Variants in EFCAB8 observed in about 807,000 individuals in gnomAD.
EFCAB8 encodes EF-hand calcium-binding domain-containing protein 8.
In EFCAB8, 100 loss-of-function variants were observed where a neutral mutation model predicts 116.3. The ratio of observed to expected loss-of-function variants is 0.86; its 90% CI spans 0.73 to 1.02. The LOEUF is 1.02. Among genes scored for constraint, EFCAB8 ranks in the 50% least tolerant of loss-of-function variants. The pLI, the probability that EFCAB8 is intolerant of heterozygous loss-of-function variation, is 0.00. For missense variants in EFCAB8, 1,320 were observed against 1,416.9 expected (o/e 0.93, Z 1.10); for synonymous variants, 558 against 567.9 (o/e 0.98, Z 0.25).
chr20:32,921,749 A>G lies in EFCAB8; in HGVS notation c.2412+1534A>G, dbSNP rs140379475. ...TAAAATGATAGCTATGTCCTGCCATATGCTTTTTTCTGTAAGTCTATAGCA... is the reference window on the plus strand; with the variant it reads ...TAAAATGATAGCTATGTCCTGCCATGTGCTTTTTTCTGTAAGTCTATAGCA... On this transcript the variant is annotated intron_variant, in intron 20 of 26. Transcript: ENST00000400522. Among the ~76,000 whole-genome samples the G allele has an allele frequency of 9.4e-5, 14 of 148,570 alleles. No homozygotes were observed. In the East Asian group the frequency reaches 2.0e-3, roughly 21 times the overall value.
intron 19 of EFCAB8, 37 bp from the exon 20 acceptor site, chr20:32,920,041 C>A (rs892038163): frequency 6.4e-7 from 1 of 1,551,654 alleles, no homozygotes; most frequent in South Asian, 1.2e-5. Flanking sequence ...AAGGGAAACA[C>A]CCTCATGGTG....
intron 22 of EFCAB8, among the ~76,000 whole-genome samples, chr20:32,939,760 C>T (rs1988329816): frequency 7.1e-6 from 1 of 141,284 alleles, no homozygotes; most frequent in East Asian, 2.1e-4. Flanking sequence ...AGTGGCGCCA[C>T]CTCGGTTCAC....
At chr20:32,878,159 A>C (rs544130727) in intron 4 of EFCAB8, among the ~76,000 whole-genome samples, 1 of 152,220 alleles carries the variant, frequency 6.6e-6, no homozygotes, top group East Asian at 1.9e-4. Context: ...CCAGCTACTC[A>C]GGAGGCTGAG....
rs971695247 is a variant in EFCAB8 at position 32,873,408 on chromosome 20, T to TA, written c.209-2509dup. 5.2e-4 allele frequency among the ~76,000 whole-genome samples: 79 copies of TA among 151,014 alleles called. 1 individual carries two copies. Among genetic ancestry groups the TA allele is most frequent in the African/African-American group, 1.8e-3 (74 of 41,150 alleles). On this transcript the variant is annotated intron_variant, in intron 3 of 26. Coordinates refer to ENST00000400522, the MANE Select transcript of EFCAB8 (RefSeq NM_001143967.2). ...AGCACTTTTTAAAGATTGTGATTAT[T>TA]AAAAAAAAAGTTGTAGACAGGGGTT...
chr20:32,868,169 C>T (rs570429062), intron 3 of EFCAB8, among the ~76,000 whole-genome samples: 28 of 152,292 alleles, frequency 1.8e-4, no homozygotes, highest in African/African-American at 6.5e-4. Context: ...AGTGATCCTC[C>T]TGCCTTGGCC....
rs1358704489 is a variant in EFCAB8, at chr20:32,920,074, C to A, written c.2275-4C>A. 1 of 1,551,714 alleles carries A rather than the reference C, an allele frequency of 6.4e-7. No individual in the cohort carries two copies. ...GTGACTTGGGTGCCCATCTTTCTTT[C>A]CAGAAACCTTCCAGTGCTTCTGGCA... On this transcript the variant is annotated splice_polypyrimidine_tract_variant and splice_region_variant and intron_variant, in intron 19 of 26. Transcript: ENST00000400522.
At chr20:32,886,378 G>A (rs10211797) in intron 6 of EFCAB8, among the ~76,000 whole-genome samples, 4,772 of 152,234 alleles carry the variant, frequency 0.031, 248 homozygotes, top group African/African-American at 0.11. Flanking sequence ...GTACTTGGTC[G>A]CCAGGGCCGT....
At chr20:32,861,975 T>G (rs1421213882) in intron 1 of EFCAB8, among the ~76,000 whole-genome samples, 1 of 152,180 alleles carries the variant, frequency 6.6e-6, no homozygotes, top group African/African-American at 2.4e-5. Flanking sequence ...ATTGCCTTTT[T>G]CAGTGGCTGT....
chr20:32,932,033 T>C (rs954772016), intron 22 of EFCAB8, among the ~76,000 whole-genome samples: 1 of 152,184 alleles, frequency 6.6e-6, no homozygotes, highest in African/African-American at 2.4e-5. Context: ...TTGGCAGTGC[T>C]CTGCTTCATT....
At position 32,939,115 on chromosome 20, in the gene EFCAB8, CTCTTTCTTTCTCTTTCTTTCTT is replaced by C. The variant is rs1568941414; in HGVS notation, c.2791-4509_2791-4488del. Among the ~76,000 whole-genome samples, 45 of 122,512 alleles carry C rather than the reference CTCTTTCTTTCTCTTTCTTTCTT, an allele frequency of 3.7e-4. 4 individuals carry two copies. Among genetic ancestry groups the C allele is most frequent in the Admixed American group, 9.1e-4 (11 of 12,086 alleles). The allele number at this position is 122,512 out of a possible 152,430, so 80.4% of individuals were successfully genotyped here. ...TCTTTTCCTTCCTTCCTTTCTTTCTCTCTTTCTTTCTCTTTCTTTCTTTCTTTCTTTCTTTCTTTCTTTCTTT... is the reference window on the plus strand; with the variant it reads ...TCTTTTCCTTCCTTCCTTTCTTTCTCTCTTTCTTTCTTTCTTTCTTTCTTT... On this transcript the variant is annotated intron_variant, in intron 22 of 26. Coordinates refer to ENST00000400522, the MANE Select transcript of EFCAB8 (RefSeq NM_001143967.2).
intron 23 of EFCAB8, among the ~76,000 whole-genome samples, chr20:32,954,441 T>C (rs1019980107): frequency 2.6e-5 from 4 of 152,254 alleles, no homozygotes; most frequent in African/African-American, 9.6e-5. Context: ...TGGCTATATA[T>C]GTGAGGCTTT....
chr20:32,923,546 T>G (rs1987549975), intron 20 of EFCAB8, among the ~76,000 whole-genome samples: 1 of 152,078 alleles, frequency 6.6e-6, no homozygotes. Context: ...GTGTATAAAG[T>G]AAAAGAATGG....
At chr20:32,863,743 C>G in intron 1 of EFCAB8, 40 bp from the exon 2 acceptor site, 2 of 1,543,150 alleles carry the variant, frequency 1.3e-6, no homozygotes, top group Non-Finnish European at 1.7e-6. Flanking sequence ...GTGGTCCTTA[C>G]AACGACTGGA....
intron 20 of EFCAB8, among the ~76,000 whole-genome samples, chr20:32,921,686 G>A (rs888225586): frequency 1.4e-5 from 2 of 138,110 alleles, no homozygotes; most frequent in Non-Finnish European, 3.1e-5. Flanking sequence ...TAACAGGTTG[G>A]TTTTAGCCTT....
intron 11 of EFCAB8, among the ~76,000 whole-genome samples, chr20:32,905,392 G>A (rs1443960732): frequency 6.6e-6 from 1 of 152,156 alleles, no homozygotes; most frequent in Non-Finnish European, 1.5e-5. Flanking sequence ...GGTCATGCAG[G>A]ACGACTGGAC....
At chr20:32,861,332 A>T (rs1452670847) in intron 1 of EFCAB8, among the ~76,000 whole-genome samples, 1 of 152,184 alleles carries the variant, frequency 6.6e-6, no homozygotes, top group Non-Finnish European at 1.5e-5. Flanking sequence ...CTTGTTGCCC[A>T]GGCTGGAGTG....
intron 11 of EFCAB8, among the ~76,000 whole-genome samples, chr20:32,904,368 A>G (rs974883056): frequency 4.0e-5 from 6 of 148,902 alleles, no homozygotes; most frequent in Non-Finnish European, 8.9e-5. Flanking sequence ...TGGCATGATC[A>G]CAGCTCACTG....
At chr20:32,934,932 A>T (rs1417511363) in intron 22 of EFCAB8, among the ~76,000 whole-genome samples, 2 of 152,118 alleles carry the variant, frequency 1.3e-5, no homozygotes, top group Non-Finnish European at 2.9e-5. Context: ...ACTGATTTAC[A>T]TTCCCTCCAA....
At chr20:32,958,176 A>ATG (rs1454731592) in intron 23 of EFCAB8, among the ~76,000 whole-genome samples, 2 of 152,068 alleles carry the variant, frequency 1.3e-5, no homozygotes, top group Non-Finnish European at 2.9e-5. Context: ...CTCAGTTCAC[A>ATG]TGTGGGGCAG....
Sources: allele counts gnomAD v4.1 joint callset (sites outside exome capture counted in the v4.1 genomes callset), GRCh38; gene constraint gnomAD v4.1.1; transcripts MANE v1.5; gene names NCBI Gene and HGNC (gene_info 2026-07-23, HGNC 2026-07-21).